The following SUSD5 variants were observed in gnomAD, a reference collection of about 807,000 sequenced individuals.
The protein encoded by SUSD5 is sushi domain-containing protein 5.
A neutral mutation model predicts 29.5 loss-of-function variants in SUSD5; 33 were observed. The ratio of observed to expected loss-of-function variants is 1.12; its 90% CI spans 0.85 to 1.49. The LOEUF (loss-of-function observed/expected upper bound fraction) is 1.49, where lower values mean the gene tolerates loss of function less well. Among genes scored for constraint, SUSD5 ranks in the 40% most tolerant of loss-of-function variants. The pLI is 0.00. For synonymous variants in SUSD5, 308 were observed against 325.3 expected (o/e 0.95, Z 0.57); for missense variants, 776 against 800.6 (o/e 0.97, Z 0.37).
rs1226471965 is a variant in SUSD5, at chr3:33,151,572, C to T, written c.*1170G>A. On this transcript the variant is annotated 3_prime_UTR_variant, in exon 5 of 5. Transcript: ENST00000309558. ...TCTTTTTTTTTTCTCCCGTGTCATT[C>T]TCTCTTACTGGAGTTCAGAGAAATG... 1 of 151,586 alleles carries T rather than the reference C, an allele frequency of 6.6e-6. No homozygotes were observed. Among genetic ancestry groups the T allele is most frequent in the African/African-American group, 2.4e-5 (1 of 41,128 alleles). The allele number at this position is 151,586 out of a possible 1,614,324, so 9.4% of individuals were successfully genotyped here. A position where few individuals can be genotyped will look rare whatever the true frequency, so the allele number is the denominator to read the frequency against.
chr3:33,208,350 T>C (rs1310574758), intron 2 of SUSD5, among the ~76,000 whole-genome samples: 1 of 152,148 alleles, frequency 6.6e-6, no homozygotes, highest in African/African-American at 2.4e-5. Flanking sequence ...CCCCATGAGT[T>C]TGGGTATGTA....
chr3:33,206,481 A>G (rs2032222650), intron 3 of SUSD5, among the ~76,000 whole-genome samples: 1 of 151,928 alleles, frequency 6.6e-6, no homozygotes, highest in Non-Finnish European at 1.5e-5. Context: ...AATAAACCAC[A>G]GATACTGCTC....
rs1392526550 is a variant in SUSD5 at position 33,177,569 on chromosome 3, TG to T, written c.410-2496del. Among the ~76,000 whole-genome samples, 8 of 152,222 alleles carry T rather than the reference TG, an allele frequency of 5.3e-5. No individual in the cohort carries two copies. The South Asian group carries it at 1.2e-3, about 24-fold the overall frequency. On this transcript the variant is annotated intron_variant, in intron 3 of 4. Transcript: ENST00000309558. ...TGTCGCCCAGGCTGGAGTGCAGTGG[TG>T]GGATCATGGCTCTCTGCAGCCTTGA...
intron 1 of SUSD5, among the ~76,000 whole-genome samples, chr3:33,214,428 T>C (rs2032388568): frequency 6.6e-6 from 1 of 151,542 alleles, no homozygotes; most frequent in Non-Finnish European, 1.5e-5. Flanking sequence ...CAAGGCTCAG[T>C]GTCCTAGGCT....
intron 3 of SUSD5, among the ~76,000 whole-genome samples, chr3:33,186,540 C>T (rs2031783399): frequency 6.6e-6 from 1 of 151,536 alleles, no homozygotes; most frequent in Non-Finnish European, 1.5e-5. Flanking sequence ...GATTCTCCTG[C>T]CTCAGCCTCC....
intron 3 of SUSD5, among the ~76,000 whole-genome samples, chr3:33,178,592 G>A (rs2031602948): frequency 6.6e-6 from 1 of 151,980 alleles, no homozygotes; most frequent in Non-Finnish European, 1.5e-5. Context: ...GACTACAGGT[G>A]CCCACCACCA....
chr3:33,174,409 T>A (rs2031500490), intron 4 of SUSD5, among the ~76,000 whole-genome samples: 1 of 152,036 alleles, frequency 6.6e-6, no homozygotes, highest in Non-Finnish European at 1.5e-5. Context: ...GTTCTCAGGG[T>A]CCTCACAAAG....
chr3:33,175,404 G>C, intron 3 of SUSD5, among the ~76,000 whole-genome samples: 1 of 152,074 alleles, frequency 6.6e-6, no homozygotes, highest in East Asian at 1.9e-4. Context: ...CCTTTTTGCC[G>C]TATTTTATAA....
At chr3:33,216,978 A>G (rs1343736020) in intron 1 of SUSD5, among the ~76,000 whole-genome samples, 3 of 152,210 alleles carry the variant, frequency 2.0e-5, no homozygotes, top group South Asian at 2.1e-4. Context: ...AAAAGGAATC[A>G]TTTCTGGCAA....
In SUSD5 at chr3:33,153,908, C is replaced by CA; in HGVS notation, c.723dup (p.Glu242Ter). ...AGACGGTCCTGTTTTGGAGCCTCCT[C>CA]AGAGGAGTCTCCCTGACCCCTGTCC... On this transcript the variant is annotated frameshift_variant, in exon 5 of 5. Transcript: ENST00000309558. LOFTEE classifies it low-confidence loss of function (END_TRUNC). 1 of 1,614,038 alleles carries CA rather than the reference C, an allele frequency of 6.2e-7. No individual in the cohort carries two copies. The highest frequency in any genetic ancestry group is 8.5e-7 in the Non-Finnish European group (1 of 1,179,898).
chr3:33,186,895 A>T (rs1191805174), intron 3 of SUSD5, among the ~76,000 whole-genome samples: 1 of 152,126 alleles, frequency 6.6e-6, no homozygotes, highest in Non-Finnish European at 1.5e-5. Flanking sequence ...TGCTTATTTC[A>T]CCTATATGGC....
intron 4 of SUSD5, among the ~76,000 whole-genome samples, chr3:33,165,696 T>C (rs993110039): frequency 3.3e-5 from 5 of 152,210 alleles, no homozygotes; most frequent in African/African-American, 1.2e-4. Flanking sequence ...CACCTCATCA[T>C]GTTCAGTGGT....
chr3:33,186,720 C>T (rs575579452), intron 3 of SUSD5, among the ~76,000 whole-genome samples: 66 of 152,218 alleles, frequency 4.3e-4, no homozygotes, highest in South Asian at 1.5e-3. Flanking sequence ...CCACCACGCC[C>T]GGTCAGCACT....
intron 4 of SUSD5, among the ~76,000 whole-genome samples, chr3:33,157,833 C>T (rs74500855): frequency 6.5e-4 from 99 of 152,354 alleles, no homozygotes; most frequent in African/African-American, 2.4e-3. Flanking sequence ...GATTAGCCAG[C>T]TGTGGCTGAC....
Position 33,207,836 on chromosome 3 carries a change from T to C in SUSD5, c.381A>G (p.Thr127=). ...CATCCTTAATACAAAGGGCACTGTATGTGCCACCAGGAACTGGGTTGCTCT... is the reference window on the plus strand; with the variant it reads ...CATCCTTAATACAAAGGGCACTGTACGTGCCACCAGGAACTGGGTTGCTCT... ...RIESNPVPGG[T]YSALCIKDEE... The change falls in exon 3 of 5, where the codon ACA becomes ACG. Residue 127 remains threonine (T), a synonymous_variant. Coordinates refer to ENST00000309558, the MANE Select transcript of SUSD5 (RefSeq NM_015551.2). 2.5e-6 allele frequency: 4 copies of C among 1,613,262 alleles called. No individual in the cohort carries two copies. The highest frequency in any genetic ancestry group is 1.7e-5 in the Admixed American group (1 of 60,016).
Position 33,207,053 on chromosome 3 carries a change from G to A in SUSD5, c.409+755C>T, listed in dbSNP as rs542356267. On this transcript the variant is annotated intron_variant, in intron 3 of 4. Coordinates refer to ENST00000309558, the MANE Select transcript of SUSD5 (RefSeq NM_015551.2). ...AACCGTATGTGTTTCTGATAACAGA[G>A]GTGTACTTATTTGGTGCATACAAAA... Among the ~76,000 whole-genome samples, 27 of 152,144 alleles carry A rather than the reference G, an allele frequency of 1.8e-4. 1 individual carries two copies. The South Asian group carries it at 5.4e-3, about 30-fold the overall frequency.
chr3:33,170,800 A>G (rs2031409863), intron 4 of SUSD5, among the ~76,000 whole-genome samples: 1 of 152,230 alleles, frequency 6.6e-6, no homozygotes, highest in Non-Finnish European at 1.5e-5. Flanking sequence ...GGCTGTCGTT[A>G]GTTATTCATG....
At chr3:33,161,332 G>A (rs1342756030) in intron 4 of SUSD5, among the ~76,000 whole-genome samples, 1 of 152,132 alleles carries the variant, frequency 6.6e-6, no homozygotes, top group Non-Finnish European at 1.5e-5. Flanking sequence ...TATGTCAAGG[G>A]TGCCTGTTAT....
intron 4 of SUSD5, among the ~76,000 whole-genome samples, chr3:33,163,636 T>G (rs1449607585): frequency 6.6e-6 from 1 of 151,666 alleles, no homozygotes; most frequent in Non-Finnish European, 1.5e-5. Flanking sequence ...CCAAGGTGAG[T>G]GGATCACCTG....
Sources: gnomAD v4.1 joint callset for allele counts (sites outside exome capture counted in the v4.1 genomes callset) on GRCh38, gnomAD v4.1.1 for gene constraint, MANE v1.5 for transcripts, NCBI Gene and HGNC (gene_info 2026-07-23, HGNC 2026-07-21) for gene names.